NOS1: variants seen among roughly 807,000 people sequenced by gnomAD.
NOS1 encodes the protein NOS type I.
A neutral mutation model predicts 164.5 loss-of-function variants in NOS1; 51 were observed. That is an observed-to-expected ratio of 0.31 (90% CI 0.25 to 0.39). The LOEUF is 0.39. NOS1 is among the 10% of genes least tolerant of loss of function. The probability of loss-of-function intolerance (pLI) is 1.00; values close to 1 mark genes in which losing one functional copy is unlikely to be tolerated. For missense variants in NOS1, 1,362 were observed against 1,885.6 expected (o/e 0.72, Z 5.14); for synonymous variants, 719 against 745.8 (o/e 0.96, Z 0.59).
chr12:117,250,479 T>C (rs1231491301), intron 17 of NOS1, among the ~76,000 whole-genome samples: 1 of 151,776 alleles, frequency 6.6e-6, no homozygotes, highest in Non-Finnish European at 1.5e-5. Flanking sequence ...CAGGCCCCCA[T>C]AACCACGCGT....
chr12:117,227,369 C>A (rs763584913), intron 23 of NOS1, 62 bp downstream of exon 23: 16 of 1,531,338 alleles, frequency 1.0e-5, no homozygotes, highest in Non-Finnish European at 1.4e-5. Context: ...GTTTAGGGAA[C>A]CCTCCAGAGG....
chr12:117,353,339 A>G (rs1287276067), intron 1 of NOS1, among the ~76,000 whole-genome samples: 1 of 152,128 alleles, frequency 6.6e-6, no homozygotes, highest in Admixed American at 6.6e-5. Flanking sequence ...TCCATCTATT[A>G]TCTACCTACC....
intron 1 of NOS1, among the ~76,000 whole-genome samples, chr12:117,334,247 CT>C (rs2136078116): frequency 6.6e-6 from 1 of 152,304 alleles, no homozygotes; most frequent in East Asian, 1.9e-4. Context: ...TGCTGTTTCT[CT>C]CTCACACCTT....
intron 22 of NOS1, 78 bp from the exon 23 acceptor site, chr12:117,227,719 G>GA: frequency 7.2e-7 from 1 of 1,389,948 alleles, no homozygotes; most frequent in Non-Finnish European, 1.0e-6. Context: ...GGGGGTCCAG[G>GA]AAGAAGGCAA....
rs148884191 is a variant in NOS1, at chr12:117,294,250, C to T, written c.853-3824G>A. ...ATGTGGTGATGACATCGGGTCTGGG[C>T]CCAGGACTCAGAGGGTGGGGGGCCA... On this transcript the variant is annotated intron_variant, in intron 3 of 28. Transcript: ENST00000317775. Among the ~76,000 whole-genome samples, 537 of 152,164 alleles carry T rather than the reference C, an allele frequency of 3.5e-3. 7 individuals carry two copies. The highest frequency in any genetic ancestry group is 0.013 in the African/African-American group (523 of 41,522).
rs189500255 is a variant in NOS1 at position 117,211,966 on chromosome 12, G to A, written c.*3343C>T. ...TGTAGTCCCAGTTACTCAGGAGGCC[G>A]AGGCAGAAGAATCACTTGAACTGGG... On this transcript the variant is annotated 3_prime_UTR_variant, in exon 29 of 29. Transcript: ENST00000317775. The A allele has an allele frequency of 4.6e-3, 2,992 of 648,066 alleles. 6 individuals carry two copies. Among genetic ancestry groups the A allele is most frequent in the Non-Finnish European group, 5.3e-3 (2,745 of 521,918 alleles). The allele number at this position is 648,066 out of a possible 1,614,324, so 40.1% of individuals were successfully genotyped here.
intron 11 of NOS1, among the ~76,000 whole-genome samples, chr12:117,266,826 C>T (rs935671604): frequency 2.0e-5 from 3 of 152,160 alleles, no homozygotes; most frequent in Admixed American, 1.3e-4. Context: ...GTGTGAGCCA[C>T]GGCGCCTGGC....
At chr12:117,230,004 C>T (rs9658499) in intron 22 of NOS1, among the ~76,000 whole-genome samples, 25 of 152,334 alleles carry the variant, frequency 1.6e-4, no homozygotes, top group African/African-American at 5.3e-4. Flanking sequence ...ACCACAGCCT[C>T]GAACTCCTGG....
Position 117,211,647 on chromosome 12 carries a change from T to C in NOS1, c.*3662A>G. On this transcript the variant is annotated 3_prime_UTR_variant, in exon 29 of 29. Transcript: ENST00000317775. ...ATCTTACATGCTCCCTGTCCGTGCC[T>C]TTCCTCTCACTCTTCCCAATTCCTG... The C allele has an allele frequency of 1.0e-6, 1 of 985,514 alleles. No homozygotes were observed. The highest frequency in any genetic ancestry group is 1.2e-6 in the Non-Finnish European group (1 of 830,026). 61.0% of individuals were successfully genotyped at this position (985,514 alleles called of 1,614,324 possible).
At chr12:117,216,856 T>C (rs775582935) in intron 28 of NOS1, among the ~76,000 whole-genome samples, 5 of 152,152 alleles carry the variant, frequency 3.3e-5, no homozygotes, top group Non-Finnish European at 5.9e-5. Context: ...CAGTATGTTT[T>C]AGAGACTGCT....
chr12:117,273,240 G>A (rs868624635), intron 9 of NOS1, among the ~76,000 whole-genome samples: 5 of 152,168 alleles, frequency 3.3e-5, no homozygotes, highest in African/African-American at 4.8e-5. Context: ...CATAAGCACC[G>A]TGGGGGCAGG....
intron 3 of NOS1, among the ~76,000 whole-genome samples, chr12:117,305,561 A>G (rs1874099102): frequency 6.6e-6 from 1 of 152,032 alleles, no homozygotes; most frequent in East Asian, 1.9e-4. Flanking sequence ...GGATGGAAAA[A>G]AGAACATTGT....
At chr12:117,347,749 C>T (rs766641392) in intron 1 of NOS1, among the ~76,000 whole-genome samples, 9 of 152,174 alleles carry the variant, frequency 5.9e-5, no homozygotes, top group Non-Finnish European at 1.2e-4. Context: ...TGCCCTGGGG[C>T]TGATACTCAA....
chr12:117,274,049 T>A (rs1872984324), intron 9 of NOS1, among the ~76,000 whole-genome samples: 1 of 151,994 alleles, frequency 6.6e-6, no homozygotes, highest in East Asian at 1.9e-4. Flanking sequence ...TGGGGGAAAA[T>A]ATCTGAAAAC....
At chr12:117,321,380 C>T (rs1874911046) in intron 2 of NOS1, among the ~76,000 whole-genome samples, 1 of 152,180 alleles carries the variant, frequency 6.6e-6, no homozygotes, top group Non-Finnish European at 1.5e-5. Flanking sequence ...ATTCCCAGGG[C>T]TGAGTACAGT....
At chr12:117,215,438 CTTTT>C (rs149003143) in intron 28 of NOS1, 114 bp from the exon 29 acceptor site, 838 of 1,002,684 alleles carry the variant, frequency 8.4e-4, no homozygotes, top group Middle Eastern at 1.7e-3. Flanking sequence ...TTGTCTCTTT[CTTTT>C]TTTTTTTTTT....
chr12:117,222,851 C>G lies in NOS1; in HGVS notation c.3839G>C (p.Cys1280Ser). 8.1e-6 allele frequency: 13 copies of G among 1,613,476 alleles called. No homozygotes were observed. The highest frequency in any genetic ancestry group is 1.1e-5 in the Non-Finnish European group (13 of 1,179,726). The change falls in exon 26 of 29, where the codon TGC becomes TCC. Residue 1280 changes from cysteine to serine, a missense_variant. Cys to Ser is a moderately radical substitution (Grantham distance 112). Transcript: ENST00000317775. ...GCACCCGAAGACCAGGACCATGGGG[C>G]AGGGGTTCATTCCTGGGGACCAGGA... is the stretch of plus-strand genomic sequence containing the variant. ...FDIQHKGMNP[C>S]PMVLVFGCRQ...
intron 7 of NOS1, among the ~76,000 whole-genome samples, chr12:117,281,942 T>C (rs923599208): frequency 2.0e-5 from 3 of 152,208 alleles, no homozygotes; most frequent in African/African-American, 7.2e-5. Flanking sequence ...AACCAAAGTT[T>C]ATAGACTTAT....
chr12:117,316,444 G>T (rs950689415), intron 2 of NOS1, among the ~76,000 whole-genome samples: 3 of 152,048 alleles, frequency 2.0e-5, no homozygotes, highest in African/African-American at 7.2e-5. Flanking sequence ...AGCTCCCCAG[G>T]TTGCTCTTTC....
Sources: gnomAD v4.1 joint callset for allele counts (sites outside exome capture counted in the v4.1 genomes callset) on GRCh38, gnomAD v4.1.1 for gene constraint, MANE v1.5 for transcripts, NCBI Gene and HGNC (gene_info 2026-07-23, HGNC 2026-07-21) for gene names.